The following ZNF93 variants were observed in gnomAD, a reference collection of about 807,000 sequenced individuals.
The protein encoded by ZNF93 is zinc finger protein 505.
In ZNF93, 29 loss-of-function variants were observed where a neutral mutation model predicts 45.0. That is an observed-to-expected ratio of 0.64 (90% CI 0.48 to 0.88). The LOEUF (loss-of-function observed/expected upper bound fraction) is 0.88. ZNF93 is among the 40% of genes least tolerant of loss of function. The pLI, the probability that ZNF93 is intolerant of heterozygous loss-of-function variation, is 0.00. For synonymous variants in ZNF93, 223 were observed against 244.6 expected, an observed-to-expected ratio of 0.91 and a Z score of 0.82; for missense variants, 578 against 724.0, an observed-to-expected ratio of 0.80 and a Z score of 2.31.
In ZNF93 at chr19:19,915,386, A is replaced by G; in HGVS notation, c.110A>G (p.Tyr37Cys). 6.2e-7 allele frequency: 1 copy of G among 1,613,790 alleles called. No homozygotes were observed. The highest frequency in any genetic ancestry group is 8.5e-7 in the Non-Finnish European group (1 of 1,179,864). Residue 37 changes from tyrosine to cysteine, a missense_variant, in exon 2 of 4, where the codon TAC (tyrosine) becomes TGC (cysteine). Transcript: ENST00000343769. ...NLYRNVMLEN[Y>C]SNLVFLGIVV... The stretch of plus-strand genomic sequence containing the variant: ...TATAGGAATGTGATGTTAGAGAACT[A>G]CAGTAACCTGGTCTTCCTTGGTGAG...
chr19:19,913,140 CAG>C lies in ZNF93; in HGVS notation c.4-2139_4-2138del, dbSNP rs200896644. Among the ~76,000 whole-genome samples, 748 of 152,310 alleles carry C rather than the reference CAG, an allele frequency of 4.9e-3. 8 individuals are homozygous for C. The highest frequency in any genetic ancestry group is 0.017 in the African/African-American group (719 of 41,562). On this transcript the variant is annotated intron_variant, in intron 1 of 3. Coordinates refer to ENST00000343769, the MANE Select transcript of ZNF93 (RefSeq NM_031218.4). The stretch of plus-strand genomic sequence containing the variant: ...CAGTGGGGAGCAACATCAGCATTGA[CAG>C]GGGACTTGTTTAAAACACTCATTCA...
chr19:19,918,521 C>T (rs1327313014), intron 3 of ZNF93, among the ~76,000 whole-genome samples: 3 of 152,122 alleles, frequency 2.0e-5, no homozygotes, highest in Non-Finnish European at 4.4e-5. Context: ...CCTGAGGAAT[C>T]GCCACACTGA....
At position 19,900,986 on chromosome 19, in the gene ZNF93, A is replaced by G. The variant is rs2063268345; in HGVS notation, c.-103A>G. On this transcript the variant is annotated 5_prime_UTR_variant, in exon 1 of 4. Coordinates refer to ENST00000343769, the MANE Select transcript of ZNF93 (RefSeq NM_031218.4). Reference sequence around the variant, plus strand: ...CGGAGCTCCAGGTCTCCTCTTCACTACTCTGTGTCCTGTGCTCCTACAGGC... The same window carrying G: ...CGGAGCTCCAGGTCTCCTCTTCACTGCTCTGTGTCCTGTGCTCCTACAGGC... 1 of 1,552,454 alleles carries G rather than the reference A, an allele frequency of 6.4e-7. No individual in the cohort carries two copies. The highest frequency in any genetic ancestry group is 8.9e-7 in the Non-Finnish European group (1 of 1,127,548).
At chr19:19,919,636 T>C (rs1191110319) in intron 3 of ZNF93, among the ~76,000 whole-genome samples, 1 of 152,194 alleles carries the variant, frequency 6.6e-6, no homozygotes, top group Non-Finnish European at 1.5e-5. Context: ...TGTTGAGCAG[T>C]GGTTTGTAGT....
rs201662096 is a variant in ZNF93, at chr19:19,924,063, C to CCCTT, written c.226+7426_226+7429dup. 5.9e-4 allele frequency among the ~76,000 whole-genome samples: 90 copies of CCCTT among 151,774 alleles called. No homozygotes were observed. In the East Asian group the frequency reaches 0.014, roughly 24 times the overall value. On this transcript the variant is annotated intron_variant, in intron 3 of 3. Coordinates refer to ENST00000343769, the MANE Select transcript of ZNF93 (RefSeq NM_031218.4). ...CCTATTTGGCCATCTTGGAACTGTC[C>CCCTT]CCTTCCTTCCTTCCTTCCTTCTTTC... is the stretch of plus-strand genomic sequence containing the variant.
At position 19,933,924 on chromosome 19, in the gene ZNF93, G is replaced by A. The variant is rs765870925; in HGVS notation, c.969G>A (p.Lys323=). Residue 323 remains lysine, a synonymous_variant, in exon 4 of 4, where the codon AAG becomes AAA. Transcript: ENST00000343769. ...YVCEECGKAF[K]YSRILTTHKR... ...GTGAAGAATGTGGCAAAGCCTTTAA[G>A]TACTCCCGTATCCTTACTACACATA... is the stretch of plus-strand genomic sequence containing the variant. The A allele has an allele frequency of 4.3e-6, 7 of 1,610,274 alleles. No individual in the cohort carries two copies. The African/African-American group carries it at 9.5e-5, about 22-fold the overall frequency.
chr19:19,903,168 C>G (rs2063280990), intron 1 of ZNF93, among the ~76,000 whole-genome samples: 1 of 152,176 alleles, frequency 6.6e-6, no homozygotes, highest in South Asian at 2.1e-4. Context: ...GAAGTACCAA[C>G]TAACTCTAAA....
At chr19:19,906,944 G>A (rs11085281) in intron 1 of ZNF93, among the ~76,000 whole-genome samples, 27,534 of 146,578 alleles carry the variant, frequency 0.19, 5,424 homozygotes, top group African/African-American at 0.5. Context: ...GATTCTTTCA[G>A]GTGCATCTAG....
intron 3 of ZNF93, among the ~76,000 whole-genome samples, chr19:19,922,689 G>A (rs1456880137): frequency 6.6e-6 from 1 of 151,904 alleles, no homozygotes; most frequent in African/African-American, 2.4e-5. Flanking sequence ...TCATTCATTT[G>A]ATCATCCATC....
intron 1 of ZNF93, among the ~76,000 whole-genome samples, chr19:19,906,437 C>A (rs1435330179): frequency 6.6e-6 from 1 of 152,068 alleles, no homozygotes; most frequent in Non-Finnish European, 1.5e-5. Flanking sequence ...GGATATTAGA[C>A]CTTTGTCAGA....
At position 19,900,950 on chromosome 19, in the gene ZNF93, C is replaced by G. The variant is rs756512317; in HGVS notation, c.-139C>G. The G allele has an allele frequency of 7.9e-5, 114 of 1,441,368 alleles. No homozygotes were observed. The highest frequency in any genetic ancestry group is 9.9e-5 in the Non-Finnish European group (103 of 1,041,786). The allele number at this position is 1,441,368 out of a possible 1,614,324, so 89.3% of individuals were successfully genotyped here. Reference sequence around the variant, plus strand: ...TTCTGGTTTGGCGGGTCCTTTGTCTCTCGGTGCAGCCGGAGCTCCAGGTCT... The same window carrying G: ...TTCTGGTTTGGCGGGTCCTTTGTCTGTCGGTGCAGCCGGAGCTCCAGGTCT... On this transcript the variant is annotated 5_prime_UTR_variant, in exon 1 of 4. Transcript: ENST00000343769.
In ZNF93 at chr19:19,935,194, A is replaced by G. The variant is rs761129444; in HGVS notation, c.*376A>G. The G allele has an allele frequency of 1.5e-4, 31 of 212,744 alleles. No individual in the cohort carries two copies. Among genetic ancestry groups the G allele is most frequent in the African/African-American group, 6.5e-4 (28 of 42,948 alleles). 13.2% of individuals were successfully genotyped at this position (212,744 alleles called of 1,614,324 possible). On this transcript the variant is annotated 3_prime_UTR_variant, in exon 4 of 4. Coordinates refer to ENST00000343769, the MANE Select transcript of ZNF93 (RefSeq NM_031218.4). ...CATATGCAGACCTGACTGCCAAAAC[A>G]TGCCCTAGTGTCTGCCGTACAGAGT...
intron 1 of ZNF93, 29 bp from the exon 2 acceptor site, chr19:19,915,251 T>G: frequency 3.1e-6 from 5 of 1,612,966 alleles, no homozygotes; most frequent in Non-Finnish European, 4.2e-6. Context: ...CATGGCCACT[T>G]GGTGAAAATG....
chr19:19,919,122 T>C (rs1279353071), intron 3 of ZNF93, among the ~76,000 whole-genome samples: 1 of 152,214 alleles, frequency 6.6e-6, no homozygotes. Flanking sequence ...CTTGAATTAA[T>C]TTTTGTATAA....
In ZNF93 at chr19:19,935,452, C is replaced by T. The variant is rs754572670; in HGVS notation, c.*634C>T. Reference sequence around the variant, plus strand: ...TGAAAACTTGAAAAGGTGTTTGCTCCATCAAATTCAGACACCAGTACAAAA... The same window carrying T: ...TGAAAACTTGAAAAGGTGTTTGCTCTATCAAATTCAGACACCAGTACAAAA... On this transcript the variant is annotated 3_prime_UTR_variant, in exon 4 of 4. Transcript: ENST00000343769. 4.6e-5 allele frequency: 7 copies of T among 152,390 alleles called. No homozygotes were observed. The highest frequency in any genetic ancestry group is 2.1e-4 in the South Asian group (1 of 4,840). 9.4% of individuals were successfully genotyped at this position (152,390 alleles called of 1,614,324 possible).
intron 3 of ZNF93, among the ~76,000 whole-genome samples, chr19:19,919,676 T>G (rs1381057400): frequency 2.6e-5 from 4 of 152,126 alleles, no homozygotes; most frequent in Non-Finnish European, 4.4e-5. Context: ...CACATCCCTT[T>G]TAAGTTGGAT....
chr19:19,916,081 T>C (rs1436864538), intron 2 of ZNF93, among the ~76,000 whole-genome samples: 6 of 151,424 alleles, frequency 4.0e-5, no homozygotes, highest in Admixed American at 3.3e-4. Flanking sequence ...TTTTTTTTTT[T>C]TTTGAGACGG....
chr19:19,912,163 T>A (rs2063310520), intron 1 of ZNF93, among the ~76,000 whole-genome samples: 1 of 152,194 alleles, frequency 6.6e-6, no homozygotes, highest in African/African-American at 2.4e-5. Context: ...TAGTATAAAG[T>A]TGTCAGGGCA....
intron 1 of ZNF93, among the ~76,000 whole-genome samples, chr19:19,903,661 G>A (rs2063283544): frequency 1.3e-5 from 2 of 152,078 alleles, no homozygotes; most frequent in Non-Finnish European, 1.5e-5. Flanking sequence ...AGCTACTCAG[G>A]AGGCTGAGGC....
Sources: gnomAD v4.1 joint callset for allele counts (sites outside exome capture counted in the v4.1 genomes callset) on GRCh38, gnomAD v4.1.1 for gene constraint, MANE v1.5 for transcripts, NCBI Gene and HGNC (gene_info 2026-07-23, HGNC 2026-07-21) for gene names.